Variants in VCAN observed in about 807,000 individuals in gnomAD.
VCAN encodes the protein versican.
In VCAN, 44 loss-of-function variants were observed where a neutral mutation model predicts 245.5. The observed-to-expected ratio is 0.18, with a 90% CI of 0.14 to 0.23. The LOEUF (loss-of-function observed/expected upper bound fraction) is 0.23. Ranked by LOEUF, VCAN falls within the 10% of genes least tolerant of loss-of-function variation. The pLI, the probability that VCAN is intolerant of heterozygous loss-of-function variation, is 1.00. For synonymous variants in VCAN, 1,413 were observed against 1,437.0 expected, an observed-to-expected ratio of 0.98 and a Z score of 0.38; for missense variants, 3,793 against 4,057.9, an observed-to-expected ratio of 0.93 and a Z score of 1.77.
At chr5:83,497,493 A>G (rs1046441399) in intron 5 of VCAN, among the ~76,000 whole-genome samples, 3 of 152,206 alleles carry the variant, frequency 2.0e-5, no homozygotes, top group African/African-American at 7.2e-5. Flanking sequence ...GAGTAATTAC[A>G]TTAGCTATAT....
In VCAN at chr5:83,538,904, C is replaced by T; in HGVS notation, c.5901C>T (p.Thr1967=). 1 of 1,613,856 alleles carries T rather than the reference C, an allele frequency of 6.2e-7. No homozygotes were observed. Among genetic ancestry groups the T allele is most frequent in the South Asian group, 1.1e-5 (1 of 91,072 alleles). Residue 1967 remains threonine (T), a synonymous_variant, in exon 8 of 15, where the codon ACC becomes ACT. Transcript: ENST00000265077. ...EGSGDAAFRD[T]QTSPSTVPTS... is the part of the protein sequence containing the mutation. The stretch of plus-strand genomic sequence containing the variant: ...CTGGAGATGCAGCATTTAGGGACAC[C>T]CAGACTTCACCATCTACAGTACCTA...
At chr5:83,551,382 C>T (rs750197945) in intron 10 of VCAN, among the ~76,000 whole-genome samples, 1 of 151,862 alleles carries the variant, frequency 6.6e-6, no homozygotes, top group Non-Finnish European at 1.5e-5. Context: ...CATGGTGGTG[C>T]ACGCCTGTAG....
At chr5:83,482,141 C>T (rs914671714) in intron 1 of VCAN, among the ~76,000 whole-genome samples, 7 of 152,204 alleles carry the variant, frequency 4.6e-5, no homozygotes, top group Non-Finnish European at 8.8e-5. Context: ...TAAGGACTTA[C>T]GCCTTGCCTT....
At chr5:83,516,998 A>G (rs962937693) in intron 6 of VCAN, among the ~76,000 whole-genome samples, 12 of 152,228 alleles carry the variant, frequency 7.9e-5, no homozygotes, top group Admixed American at 1.3e-4. Context: ...AATTATAAGC[A>G]GACCTTTTCT....
intron 7 of VCAN, among the ~76,000 whole-genome samples, chr5:83,527,972 A>G (rs308362): frequency 0.79 from 119,852 of 152,068 alleles, 47,954 homozygotes; most frequent in Non-Finnish European, 0.85. Context: ...ACCTCGAGAG[A>G]GACCCATACA....
chr5:83,483,810 TA>T (rs1198380988), intron 2 of VCAN, among the ~76,000 whole-genome samples: 1 of 152,238 alleles, frequency 6.6e-6, no homozygotes, highest in African/African-American at 2.4e-5. Context: ...AGTGAGCTTT[TA>T]GTAACTTCCC....
At chr5:83,579,844 A>G in intron 13 of VCAN, 136 bp from the exon 14 acceptor site, 7 of 944,274 alleles carry the variant, frequency 7.4e-6, no homozygotes, top group Admixed American at 2.5e-5. Flanking sequence ...GAAAAATTTC[A>G]TATTCTTAAT....
chr5:83,502,830 T>G (rs114578239), intron 5 of VCAN, among the ~76,000 whole-genome samples: 2 of 152,320 alleles, frequency 1.3e-5, no homozygotes, highest in Non-Finnish European at 2.9e-5. Context: ...TAAGCCACGT[T>G]ATGTTCTACT....
intron 12 of VCAN, among the ~76,000 whole-genome samples, chr5:83,562,470 A>G (rs534694581): frequency 1.3e-5 from 2 of 152,160 alleles, no homozygotes; most frequent in African/African-American, 4.8e-5. Flanking sequence ...TGGAAGAACC[A>G]TATTTACTCA....
chr5:83,498,674 A>G (rs755342338), intron 5 of VCAN, among the ~76,000 whole-genome samples: 11 of 152,206 alleles, frequency 7.2e-5, no homozygotes, highest in Non-Finnish European at 1.0e-4. Context: ...AACAATGAAG[A>G]TGTTAATTTC....
At chr5:83,565,584 C>T (rs762566924) in intron 12 of VCAN, among the ~76,000 whole-genome samples, 1 of 152,104 alleles carries the variant, frequency 6.6e-6, no homozygotes, top group African/African-American at 2.4e-5. Flanking sequence ...TAAACAGTGT[C>T]TGACTCTTCT....
intron 10 of VCAN, among the ~76,000 whole-genome samples, chr5:83,549,930 T>A (rs1747396276): frequency 6.6e-6 from 1 of 152,210 alleles, no homozygotes; most frequent in African/African-American, 2.4e-5. Flanking sequence ...CTATCCAAAG[T>A]TTGGTGATGA....
chr5:83,487,713 A>G (rs1195191184), intron 2 of VCAN, among the ~76,000 whole-genome samples: 1 of 152,160 alleles, frequency 6.6e-6, no homozygotes, highest in African/African-American at 2.4e-5. Context: ...ATATATAAAC[A>G]TCTAGAACAG....
intron 7 of VCAN, among the ~76,000 whole-genome samples, chr5:83,535,374 A>T (rs1476924576): frequency 1.3e-5 from 2 of 152,090 alleles, no homozygotes; most frequent in Non-Finnish European, 2.9e-5. Flanking sequence ...TTTAGTGAAG[A>T]TGTGGTGGGA....
rs761717352 is a variant in VCAN, at chr5:83,483,638, T to G, written c.70+50T>G. The G allele has an allele frequency of 5.2e-6, 8 of 1,527,104 alleles. No homozygotes were observed. The East Asian group carries it at 1.8e-4, about 34-fold the overall frequency. The allele number at this position is 1,527,104 out of a possible 1,614,324, so 94.6% of individuals were successfully genotyped here. ...GTGTTAATTGAAATAAAAATGTAAG[T>G]GCTGGAGGATGAAATGGCAATGTGG... is the stretch of plus-strand genomic sequence containing the variant. On this transcript the variant is annotated intron_variant, in intron 2 of 14. Coordinates refer to ENST00000265077, the MANE Select transcript of VCAN (RefSeq NM_004385.5).
chr5:83,519,936 AC>A lies in VCAN; in HGVS notation c.1632del (p.Thr545GlnfsTer27). On this transcript the variant is annotated frameshift_variant, in exon 7 of 15. Coordinates refer to ENST00000265077, the MANE Select transcript of VCAN (RefSeq NM_004385.5). LOFTEE classifies it high-confidence loss of function. Reference sequence around the variant, plus strand: ...GGTAAGCACTGTTTCTGAATTGGTAACCACAGGTCACTATGGATTCACCTTG... The same window carrying A: ...GGTAAGCACTGTTTCTGAATTGGTAACACAGGTCACTATGGATTCACCTTG... ...KMVSTVSELV[T>X]TGHYGFTLGE... The A allele has an allele frequency of 6.2e-7, 1 of 1,614,118 alleles. No homozygotes were observed. The highest frequency in any genetic ancestry group is 8.5e-7 in the Non-Finnish European group (1 of 1,179,982).
In VCAN at chr5:83,521,153, G is replaced by A; in HGVS notation, c.2847G>A (p.Val949=). 6.2e-7 allele frequency: 1 copy of A among 1,613,744 alleles called. No individual in the cohort carries two copies. Among genetic ancestry groups the A allele is most frequent in the Non-Finnish European group, 8.5e-7 (1 of 1,179,770 alleles). ...TVPQFAHTSE[V]EGLAFVSYSS... ...CCCAATTTGCACACACTTCAGAGGTGGAAGGATTAGCATTTGTTAGTTATA... is the reference window on the plus strand; with the variant it reads ...CCCAATTTGCACACACTTCAGAGGTAGAAGGATTAGCATTTGTTAGTTATA... The change falls in exon 7 of 15, where the codon GTG becomes GTA. Residue 949 remains valine, a synonymous_variant. Coordinates refer to ENST00000265077, the MANE Select transcript of VCAN (RefSeq NM_004385.5).
chr5:83,479,130 T>G (rs1051796424), intron 1 of VCAN, among the ~76,000 whole-genome samples: 1 of 152,176 alleles, frequency 6.6e-6, no homozygotes, highest in Non-Finnish European at 1.5e-5. Context: ...TGATTCTTTC[T>G]GTGAGAAAGA....
intron 5 of VCAN, among the ~76,000 whole-genome samples, chr5:83,507,676 G>T (rs1163999382): frequency 6.6e-6 from 1 of 152,142 alleles, no homozygotes; most frequent in African/African-American, 2.4e-5. Context: ...ATCTTTGGAG[G>T]CATCCTTCTA....
Sources: gnomAD v4.1 joint callset for allele counts (sites outside exome capture counted in the v4.1 genomes callset) on GRCh38, gnomAD v4.1.1 for gene constraint, MANE v1.5 for transcripts, NCBI Gene and HGNC (gene_info 2026-07-23, HGNC 2026-07-21) for gene names.